The following RIF1 variants were observed in gnomAD, a reference collection of about 807,000 sequenced individuals.
RIF1 encodes the protein telomere-associated protein RIF1.
RIF1 carries 45 observed loss-of-function variants against 247.1 expected under a neutral mutation model. That is an observed-to-expected ratio of 0.18 (90% CI 0.14 to 0.23). RIF1 has a LOEUF of 0.23. Among genes scored for constraint, RIF1 ranks in the 10% least tolerant of loss-of-function variants. RIF1 has a pLI of 1.00. For synonymous variants in RIF1, 1,087 were observed against 978.8 expected, an observed-to-expected ratio of 1.11 and a Z score of -2.06; for missense variants, 2,967 against 2,862.5, an observed-to-expected ratio of 1.04 and a Z score of -0.83.
chr2:151,422,992 G>T lies in RIF1; in HGVS notation c.736G>T (p.Glu246Ter). ...TCAGAAGCTATTTATGAGTAAAAAT[G>T]AGACTTACGTGTTAAAATTATGGCC... is the stretch of plus-strand genomic sequence containing the variant. ...ELQKLFMSKN[E>*]TYVLKLWPLF... The change falls in exon 8 of 36, where the codon GAG becomes TAG. Residue 246 changes from glutamate (E) to a stop codon, truncating the protein, a stop_gained. Coordinates refer to ENST00000444746, the MANE Select transcript of RIF1 (RefSeq NM_018151.5). LOFTEE classifies it high-confidence loss of function. 1 of 1,599,112 alleles carries T rather than the reference G, an allele frequency of 6.3e-7. No individual in the cohort carries two copies. The highest frequency in any genetic ancestry group is 1.1e-5 in the South Asian group (1 of 89,326).
chr2:151,448,415 G>A (rs1241855942), intron 20 of RIF1, among the ~76,000 whole-genome samples: 3 of 152,292 alleles, frequency 2.0e-5, no homozygotes, highest in Non-Finnish European at 4.4e-5. Context: ...CTTCTCCTCA[G>A]TAATAATCAC....
At position 151,458,917 on chromosome 2, in the gene RIF1, T is replaced by TG; in HGVS notation, c.2955+13dup. 1.3e-6 allele frequency: 2 copies of TG among 1,522,250 alleles called. No individual in the cohort carries two copies. Among genetic ancestry groups the TG allele is most frequent in the Non-Finnish European group, 9.1e-7 (1 of 1,104,258 alleles). The allele number at this position is 1,522,250 out of a possible 1,614,324, so 94.3% of individuals were successfully genotyped here. Reference sequence around the variant, plus strand: ...TGGACCATATTCTGATGGAGTAAGTTGGGGGGTTTTATTGTTCATTTGTTT... The same window carrying TG: ...TGGACCATATTCTGATGGAGTAAGTTGGGGGGGTTTTATTGTTCATTTGTTT... On this transcript the variant is annotated splice_region_variant and intron_variant, in intron 25 of 35. Transcript: ENST00000444746.
chr2:151,517,401 C>T, the RIF1 span, among the ~76,000 whole-genome samples: 1 of 152,214 alleles, frequency 6.6e-6, no homozygotes. Context: ...GAGGACGTTT[C>T]TAATAGTTAG....
In RIF1 at chr2:151,469,724, G is replaced by C. The variant is rs1697510999; in HGVS notation, c.6955G>C (p.Gly2319Arg). The part of the protein sequence containing the change: ...ITSNMWARGL[G>R]QLIRAKNIKT... ...TGTTTTGTTTAGGGCAAGAGGCCTG[G>C]GACAACTCATTAGAGCTAAGAATAT... Residue 2319 changes from glycine to arginine, a missense_variant, in exon 34 of 36, where the codon GGA becomes CGA. Physicochemically the swap from Gly to Arg is moderately radical, Grantham distance 125 (BLOSUM62 -2). This residue lies in a region of RIF1 where 3 missense variants were observed against 16.7 expected (regional missense o/e 0.18). Transcript: ENST00000444746. The C allele has an allele frequency of 6.3e-7, 1 of 1,584,824 alleles. No homozygotes were observed. Among genetic ancestry groups the C allele is most frequent in the African/African-American group, 1.4e-5 (1 of 73,430 alleles).
chr2:151,418,968 CTTTTTT>C (rs36020810), intron 6 of RIF1, among the ~76,000 whole-genome samples: 6 of 111,770 alleles, frequency 5.4e-5, no homozygotes, highest in South Asian at 6.0e-4. Flanking sequence ...GCCTTAAATT[CTTTTTT>C]TTTTTTTTTT....
the RIF1 span, chr2:151,514,976 C>T: frequency 8.5e-7 from 1 of 1,170,362 alleles, no homozygotes; most frequent in Middle Eastern, 1.9e-4. Flanking sequence ...ATCTTTATTA[C>T]AATATATCTC....
At chr2:151,455,194 T>A (rs745963884) in intron 22 of RIF1, 35 bp downstream of exon 22, 2 of 1,494,980 alleles carry the variant, frequency 1.3e-6, no homozygotes, top group Admixed American at 4.0e-5. Flanking sequence ...TTGAATTAAA[T>A]GTATACAATT....
At position 151,505,662 on chromosome 2, in the gene RIF1, TAAAA is replaced by T. The variant is rs1048148463; in HGVS notation, c.*862-544_*862-541del. On this transcript the variant is annotated intron_variant and NMD_transcript_variant, in intron 12 of 13. Coordinates refer to the RIF1 transcript ENST00000454583. ...TACATGTTTTTTGTAGCCCCCAAAT[TAAAA>T]AAATTAACAGTGTAAATAACGCAGG... 1.1e-5 allele frequency: 11 copies of T among 1,039,880 alleles called. No homozygotes were observed. The African/African-American group carries it at 1.7e-4, about 16-fold the overall frequency. The allele number at this position is 1,039,880 out of a possible 1,614,324, so 64.4% of individuals were successfully genotyped here.
chr2:151,530,823 G>T, the RIF1 span: 1 of 566,670 alleles, frequency 1.8e-6, no homozygotes, highest in Non-Finnish European at 3.1e-6. Flanking sequence ...GGACTGTTCA[G>T]CTGTGTCCAG....
At chr2:151,512,748 C>T (rs1447037256), downstream of RIF1, 1 of 1,613,606 alleles carries the variant, frequency 6.2e-7, no homozygotes, top group Non-Finnish European at 8.5e-7. Context: ...TTGAAAGATT[C>T]TTGACTTGTT....
At position 151,490,447 on chromosome 2, in the gene RIF1, TCTC is replaced by T. The variant is rs754847294; in HGVS notation, c.*416-4778_*416-4776del. The stretch of plus-strand genomic sequence containing the variant: ...TCTGGTGCTTCTGAATGCTCAGACT[TCTC>T]CTCACCCCCACTGATGCTTAGTGCA... On this transcript the variant is annotated intron_variant and NMD_transcript_variant, in intron 9 of 13. Transcript: ENST00000454583. 4.1e-5 allele frequency: 66 copies of T among 1,606,402 alleles called. No individual in the cohort carries two copies. The highest frequency in any genetic ancestry group is 1.8e-4 in the East Asian group (8 of 44,594).
chr2:151,427,853 T>C (rs900134293), intron 8 of RIF1, among the ~76,000 whole-genome samples: 1 of 151,936 alleles, frequency 6.6e-6, no homozygotes, highest in Non-Finnish European at 1.5e-5. Context: ...GTTCAGGAGT[T>C]CGAGACCAGC....
At chr2:151,440,182 T>G (rs1245329907) in intron 15 of RIF1, 55 bp downstream of exon 15, 2 of 954,220 alleles carry the variant, frequency 2.1e-6, no homozygotes, top group Non-Finnish European at 3.3e-6. Flanking sequence ...AAGTTAAATT[T>G]TATATAGAAG....
chr2:151,488,478 CAAAAAA>C (rs567755362), intron 9 of RIF1, among the ~76,000 whole-genome samples: 1 of 95,762 alleles, frequency 1.0e-5, no homozygotes, highest in East Asian at 2.7e-4. Flanking sequence ...GAGCCTCTAC[CAAAAAA>C]AAAAAAAAAA....
At chr2:151,468,239 ACTT>A in intron 31 of RIF1, 93 bp downstream of exon 31, 1 of 1,217,666 alleles carries the variant, frequency 8.2e-7, no homozygotes, top group Non-Finnish European at 1.1e-6. Context: ...TATGTGAAAA[ACTT>A]CTTCCTTGGT....
chr2:151,463,892 A>G lies in RIF1; in HGVS notation c.4372A>G (p.Ile1458Val), dbSNP rs199823030. ...EKPLQKSPLH[I>V]KDDVLPKQKL... ...ACCTCTTCAGAAGAGTCCATTGCAT[A>G]TAAAAGATGATGTGTTACCTAAACA... The change falls in exon 30 of 36, where the codon ATA becomes GTA. Residue 1458 changes from isoleucine (I) to valine (V), a missense_variant. Around this residue, in one of 7 missense-constraint regions of RIF1, gnomAD observed 2,028 missense variants for 1,825.6 expected, o/e 1.11. Transcript: ENST00000444746. The G allele has an allele frequency of 8.2e-5, 132 of 1,613,510 alleles. No individual in the cohort carries two copies. The highest frequency in any genetic ancestry group is 1.0e-4 in the Non-Finnish European group (123 of 1,179,934).
rs746748006 is a variant in RIF1 at position 151,475,485 on chromosome 2, GGTTT to G, written c.*419_*422del. The G allele has an allele frequency of 1.8e-5, 3 of 169,808 alleles. No homozygotes were observed. The highest frequency in any genetic ancestry group is 2.7e-4 in the South Asian group (2 of 7,396). 10.5% of individuals were successfully genotyped at this position (169,808 alleles called of 1,614,324 possible). A position where few individuals can be genotyped will look rare whatever the true frequency, so the allele number is the denominator to read the frequency against. ...AAAGGTGTTTATATTTTTGTTTGTT[GGTTT>G]GTTTAATTCATGTTTGTTGGGACTG... On this transcript the variant is annotated 3_prime_UTR_variant, in exon 36 of 36. Coordinates refer to ENST00000444746, the MANE Select transcript of RIF1 (RefSeq NM_018151.5).
At position 151,413,049 on chromosome 2, in the gene RIF1, C is replaced by CT. The variant is rs35203891; in HGVS notation, c.183+1724dup. 3.7e-3 allele frequency among the ~76,000 whole-genome samples: 535 copies of CT among 144,568 alleles called. 10 individuals carry two copies. The East Asian group carries it at 0.049, about 13-fold the overall frequency. 94.8% of individuals were successfully genotyped at this position (144,568 alleles called of 152,430 possible). On this transcript the variant is annotated intron_variant, in intron 3 of 35. Coordinates refer to ENST00000444746, the MANE Select transcript of RIF1 (RefSeq NM_018151.5). ...ATAGGATCAGGAATTCTATTGCATACTTTTTTTTTTTTTGAGACGGAGTTT... is the reference window on the plus strand; with the variant it reads ...ATAGGATCAGGAATTCTATTGCATACTTTTTTTTTTTTTTGAGACGGAGTTT...
rs1196668395 is a variant in RIF1 at position 151,481,705 on chromosome 2, A to G, written c.*6634A>G. On this transcript the variant is annotated 3_prime_UTR_variant, in exon 36 of 36. Transcript: ENST00000444746. ...AAATAATGGAAATAATGGTGCAGTCAGTTTTATTTGATTGTGTAATGCTTT... is the reference window on the plus strand; with the variant it reads ...AAATAATGGAAATAATGGTGCAGTCGGTTTTATTTGATTGTGTAATGCTTT... The G allele has an allele frequency of 1.3e-5, 2 of 152,260 alleles. No individual in the cohort carries two copies. Among genetic ancestry groups the G allele is most frequent in the East Asian group, 3.8e-4 (2 of 5,198 alleles). The allele number at this position is 152,260 out of a possible 1,614,324, so 9.4% of individuals were successfully genotyped here. A position where few individuals can be genotyped will look rare whatever the true frequency, so the allele number is the denominator to read the frequency against.
Sources: gnomAD v4.1 joint callset for allele counts (sites outside exome capture counted in the v4.1 genomes callset) on GRCh38, gnomAD v4.1.1 for gene constraint, gnomAD v4.1.1 regional missense constraint, MANE v1.5 for transcripts, NCBI Gene and HGNC (gene_info 2026-07-23, HGNC 2026-07-21) for gene names.